Variants in RYR3 observed in about 807,000 individuals in gnomAD.
RYR3 encodes the protein ryanodine receptor 3.
RYR3 carries 207 observed loss-of-function variants against 584.3 expected under a neutral mutation model. The ratio of observed to expected loss-of-function variants is 0.35; its 90% CI spans 0.32 to 0.40. The LOEUF (loss-of-function observed/expected upper bound fraction) is 0.40, where lower values mean the gene tolerates loss of function less well. Among genes scored for constraint, RYR3 ranks in the 10% least tolerant of loss-of-function variants. The pLI, the probability that RYR3 is intolerant of heterozygous loss-of-function variation, is 1.00. For synonymous variants in RYR3, 2,416 were observed against 2,248.5 expected, an observed-to-expected ratio of 1.07 and a Z score of -2.11; for missense variants, 5,616 against 6,089.2, an observed-to-expected ratio of 0.92 and a Z score of 2.59.
chr15:33,509,199 T>A (rs1055606116), intron 3 of RYR3, among the ~76,000 whole-genome samples: 4 of 152,212 alleles, frequency 2.6e-5, no homozygotes, highest in African/African-American at 9.7e-5. Context: ...CAAACACTGA[T>A]GAAGGGAATT....
intron 12 of RYR3, among the ~76,000 whole-genome samples, chr15:33,574,644 C>CA (rs915963804): frequency 1.3e-5 from 2 of 151,910 alleles, no homozygotes; most frequent in African/African-American, 4.9e-5. Context: ...GATCACCTCA[C>CA]AGCCTGATTG....
chr15:33,716,206 A>G (rs1292214960), intron 43 of RYR3, among the ~76,000 whole-genome samples: 1 of 152,210 alleles, frequency 6.6e-6, no homozygotes, highest in Middle Eastern at 3.2e-3. Context: ...CTGCAGAACC[A>G]ATGAGCCAAT....
intron 3 of RYR3, among the ~76,000 whole-genome samples, chr15:33,515,535 T>C (rs998634994): frequency 3.3e-5 from 5 of 152,264 alleles, no homozygotes; most frequent in Non-Finnish European, 5.9e-5. Flanking sequence ...GTCTTTCCTA[T>C]GGCACAAATC....
At chr15:33,469,358 TTA>T (rs1362830789) in intron 1 of RYR3, among the ~76,000 whole-genome samples, 1 of 151,942 alleles carries the variant, frequency 6.6e-6, no homozygotes, top group African/African-American at 2.4e-5. Flanking sequence ...TTCAGGAAGT[TTA>T]TGTTTTTTGA....
intron 60 of RYR3, among the ~76,000 whole-genome samples, chr15:33,766,003 G>A (rs541756725): frequency 3.9e-5 from 6 of 152,236 alleles, no homozygotes; most frequent in African/African-American, 1.4e-4. Context: ...AGTCCTGGCT[G>A]AGTGCGGTGG....
chr15:33,624,023 G>A lies in RYR3; in HGVS notation c.2574G>A (p.Gln858=). 2 of 1,612,026 alleles carry A rather than the reference G, an allele frequency of 1.2e-6. No homozygotes were observed. The highest frequency in any genetic ancestry group is 1.7e-6 in the Non-Finnish European group (2 of 1,178,476). Residue 858 remains glutamine (Q), a splice_region_variant and synonymous_variant, in exon 20 of 104, where the codon CAG becomes CAA. Coordinates refer to ENST00000634891, the MANE Select transcript of RYR3 (RefSeq NM_001036.6). ...SFIPCPVDTS[Q]VILPPHLEKI... is the part of the protein sequence containing the mutation. ...TCCCATGCCCCGTAGACACCAGTCA[G>A]GTAGGTTCAAATTGCCCGCAGAAGG...
chr15:33,862,204 G>C (rs1191110633), intron 102 of RYR3, among the ~76,000 whole-genome samples: 1 of 151,702 alleles, frequency 6.6e-6, no homozygotes, highest in Non-Finnish European at 1.5e-5. Context: ...CTATTTTGTA[G>C]CTTAGAGAGT....
chr15:33,649,515 G>T (rs2062332528), intron 31 of RYR3, among the ~76,000 whole-genome samples: 1 of 152,146 alleles, frequency 6.6e-6, no homozygotes, highest in Admixed American at 6.5e-5. Context: ...TTTTTTTCCA[G>T]GACTTCTGGG....
intron 1 of RYR3, among the ~76,000 whole-genome samples, chr15:33,350,655 T>C (rs1469415197): frequency 1.3e-5 from 2 of 151,936 alleles, no homozygotes; most frequent in Non-Finnish European, 1.5e-5. Flanking sequence ...TGCTCCTGAA[T>C]GACTACTGGG....
In RYR3 at chr15:33,631,188, T is replaced by G. The variant is rs199586266; in HGVS notation, c.2784-22T>G. 4.3e-4 allele frequency: 636 copies of G among 1,491,070 alleles called. 3 individuals carry two copies. The African/African-American group carries it at 7.7e-3, about 18-fold the overall frequency. 92.4% of individuals were successfully genotyped at this position (1,491,070 alleles called of 1,614,324 possible). A position where few individuals can be genotyped will look rare whatever the true frequency, so the allele number is the denominator to read the frequency against. ...CCTAACACTGCAGTTAACCTTAGTC[T>G]TCTCCTTCTGTTGTGTCACAGAACC... On this transcript the variant is annotated intron_variant, in intron 22 of 103. Transcript: ENST00000634891.
intron 15 of RYR3, among the ~76,000 whole-genome samples, chr15:33,585,434 T>C (rs1189636513): frequency 3.3e-5 from 5 of 152,320 alleles, no homozygotes; most frequent in East Asian, 1.9e-4. Flanking sequence ...CCTTCACTTA[T>C]ATAACCTATC....
At chr15:33,379,823 C>G (rs2041054180) in intron 1 of RYR3, among the ~76,000 whole-genome samples, 2 of 151,852 alleles carry the variant, frequency 1.3e-5, no homozygotes, top group Admixed American at 6.6e-5. Context: ...TCGAAAGCCT[C>G]AAAACCAGGG....
chr15:33,706,621 T>C (rs1340821820), intron 42 of RYR3, among the ~76,000 whole-genome samples: 2 of 152,254 alleles, frequency 1.3e-5, no homozygotes, highest in East Asian at 3.9e-4. Flanking sequence ...GTTTTGCTTA[T>C]TCATTCATTC....
At chr15:33,797,202 G>T (rs1298590141) in intron 67 of RYR3, among the ~76,000 whole-genome samples, 1 of 152,074 alleles carries the variant, frequency 6.6e-6, no homozygotes, top group Non-Finnish European at 1.5e-5. Context: ...ATCTCTCATG[G>T]TTACCTCTAA....
At chr15:33,765,409 G>A (rs986797895) in intron 60 of RYR3, among the ~76,000 whole-genome samples, 1 of 152,100 alleles carries the variant, frequency 6.6e-6, no homozygotes, top group Non-Finnish European at 1.5e-5. Flanking sequence ...AAGGCAGGCG[G>A]ATCATCTGAG....
At chr15:33,667,891 AT>A (rs2063573717) in intron 36 of RYR3, among the ~76,000 whole-genome samples, 1 of 151,912 alleles carries the variant, frequency 6.6e-6, no homozygotes, top group Non-Finnish European at 1.5e-5. Flanking sequence ...GTGAAACCCC[AT>A]CTCTACTAAA....
At chr15:33,853,940 T>TC (rs1473329802) in intron 96 of RYR3, among the ~76,000 whole-genome samples, 1 of 152,140 alleles carries the variant, frequency 6.6e-6, no homozygotes, top group African/African-American at 2.4e-5. Flanking sequence ...ATACCTGTAA[T>TC]CCCAGCACTT....
chr15:33,692,328 T>C (rs527683160), intron 38 of RYR3, among the ~76,000 whole-genome samples: 11 of 152,306 alleles, frequency 7.2e-5, no homozygotes, highest in Admixed American at 7.2e-4. Context: ...AGAAGTTCAT[T>C]GGTTGTGCCT....
Position 33,584,427 on chromosome 15 carries a change from G to A in RYR3, c.1606G>A (p.Ala536Thr), listed in dbSNP as rs868245910. 15 of 1,608,090 alleles carry A rather than the reference G, an allele frequency of 9.3e-6. No homozygotes were observed. In the African/African-American group the frequency reaches 9.4e-5, roughly 10 times the overall value. ...CATTCGCGGAAACAGAAACAATTGC[G>A]CTCAATTCTCCAATAACCTTGATTG... ...ALIRGNRNNC[A>T]QFSNNLDWLI... is the part of the protein sequence containing the mutation. The change falls in exon 15 of 104, where the codon GCT (alanine) becomes ACT (threonine). Residue 536 changes from alanine to threonine, a missense_variant. Around this residue, in one of 9 missense-constraint regions of RYR3, gnomAD observed 1,284 missense variants for 1,344.6 expected, o/e 0.95. Transcript: ENST00000634891.
Sources: allele counts gnomAD v4.1 joint callset (sites outside exome capture counted in the v4.1 genomes callset), GRCh38; gene constraint gnomAD v4.1.1; regional missense constraint gnomAD v4.1.1; transcripts MANE v1.5; gene names NCBI Gene and HGNC (gene_info 2026-07-23, HGNC 2026-07-21).